CYB5A: variants seen among roughly 807,000 people sequenced by gnomAD.
CYB5A encodes cytochrome b5.
A neutral mutation model predicts 16.2 loss-of-function variants in CYB5A; 10 were observed. That is an observed-to-expected ratio of 0.62 (90% CI 0.38 to 1.04). The LOEUF is 1.04. Among genes scored for constraint, CYB5A ranks in the 50% least tolerant of loss-of-function variants. The probability of loss-of-function intolerance (pLI) is 0.01; values close to 1 mark genes in which losing one functional copy is unlikely to be tolerated. For missense variants in CYB5A, 161 were observed against 165.9 expected (o/e 0.97, Z 0.16); for synonymous variants, 62 against 57.0 (o/e 1.09, Z -0.40).
At chr18:74,268,139 C>T (rs1366605722) in intron 1 of CYB5A, among the ~76,000 whole-genome samples, 2 of 152,218 alleles carry the variant, frequency 1.3e-5, no homozygotes, top group Non-Finnish European at 2.9e-5. Flanking sequence ...GCTCCCGCCT[C>T]GGGGAGTTCA....
chr18:74,273,545 G>A (rs1355890639), intron 1 of CYB5A, among the ~76,000 whole-genome samples: 3 of 152,198 alleles, frequency 2.0e-5, no homozygotes, highest in African/African-American at 7.2e-5. Context: ...ACTGCTGAGT[G>A]ACCTGCTGTG....
chr18:74,260,351 G>A (rs1788625), intron 3 of CYB5A: 12,510 of 180,474 alleles, frequency 0.069, 1,143 homozygotes, highest in African/African-American at 0.22. Flanking sequence ...TAAGTGAGAT[G>A]GTCAGTTCAG....
rs1408776637 is a variant in CYB5A, at chr18:74,263,606, G to A, written c.130-129C>T. On this transcript the variant is annotated intron_variant, in intron 1 of 4. Transcript: ENST00000340533. ...ACAGATGACAACAGGAGACTAACTT[G>A]TCCATAAATGTGGATTAAAACAACA... The A allele has an allele frequency of 1.0e-5, 8 of 798,414 alleles. 1 individual carries two copies. Among genetic ancestry groups the A allele is most frequent in the Non-Finnish European group, 1.3e-5 (6 of 462,658 alleles). 49.5% of individuals were successfully genotyped at this position (798,414 alleles called of 1,614,324 possible).
In CYB5A at chr18:74,253,392, C is replaced by A; in HGVS notation, c.*192G>T. The A allele has an allele frequency of 1.9e-6, 1 of 514,580 alleles. No individual in the cohort carries two copies. 31.9% of individuals were successfully genotyped at this position (514,580 alleles called of 1,614,324 possible). A position where few individuals can be genotyped will look rare whatever the true frequency, so the allele number is the denominator to read the frequency against. On this transcript the variant is annotated 3_prime_UTR_variant, in exon 5 of 5. Coordinates refer to ENST00000340533, the MANE Select transcript of CYB5A (RefSeq NM_148923.4). ...AAAATAAAGTAGATGAATAAAAAGG[C>A]ACACTCGAAAAATTTGAGCGCAGAA...
intron 1 of CYB5A, among the ~76,000 whole-genome samples, chr18:74,278,102 G>A (rs957544285): frequency 6.6e-6 from 1 of 152,164 alleles, no homozygotes; most frequent in African/African-American, 2.4e-5. Flanking sequence ...CCCTTCTAAA[G>A]CTCATAAGCC....
intron 1 of CYB5A, among the ~76,000 whole-genome samples, chr18:74,270,457 T>G (rs1982627317): frequency 6.6e-6 from 1 of 152,140 alleles, no homozygotes; most frequent in Admixed American, 6.5e-5. Flanking sequence ...AGGCTGCCTG[T>G]GTCCCCACAC....
intron 1 of CYB5A, among the ~76,000 whole-genome samples, chr18:74,275,822 T>C (rs1982850040): frequency 1.3e-5 from 2 of 151,998 alleles, no homozygotes; most frequent in African/African-American, 4.8e-5. Flanking sequence ...TGTGGATCAA[T>C]AGAGCAGATA....
At chr18:74,264,210 C>CA (rs59600245) in intron 1 of CYB5A, among the ~76,000 whole-genome samples, 4,369 of 143,972 alleles carry the variant, frequency 0.03, 149 homozygotes, top group African/African-American at 0.093. Flanking sequence ...GACTCTGTCT[C>CA]AAAAAAAAAA....
intron 1 of CYB5A, among the ~76,000 whole-genome samples, chr18:74,290,442 G>A (rs911863230): frequency 2.0e-5 from 3 of 151,626 alleles, no homozygotes; most frequent in Admixed American, 1.3e-4. Flanking sequence ...ATGGGGTTTC[G>A]CCATGTTGGT....
At chr18:74,279,861 T>C (rs1173851900) in intron 1 of CYB5A, among the ~76,000 whole-genome samples, 2 of 152,262 alleles carry the variant, frequency 1.3e-5, no homozygotes, top group Admixed American at 6.5e-5. Context: ...TAAATAACTA[T>C]TTAGTCCTTT....
At chr18:74,281,040 G>A (rs1788640) in intron 1 of CYB5A, among the ~76,000 whole-genome samples, 36,042 of 152,098 alleles carry the variant, frequency 0.24, 4,834 homozygotes, top group South Asian at 0.33. Flanking sequence ...AACCAGGGGA[G>A]CAGCAGTAGA....
intron 1 of CYB5A, among the ~76,000 whole-genome samples, chr18:74,290,285 C>T (rs1011903761): frequency 4.6e-5 from 7 of 152,056 alleles, no homozygotes; most frequent in Non-Finnish European, 5.9e-5. Flanking sequence ...CACTCTGTCC[C>T]CCAGGCTGGA....
intron 4 of CYB5A, 46 bp from the exon 5 acceptor site, chr18:74,253,711 G>A: frequency 2.3e-6 from 3 of 1,310,728 alleles, no homozygotes; most frequent in Non-Finnish European, 3.3e-6. Context: ...TGTGCACTGT[G>A]GTGGACTCAA....
At chr18:74,287,222 G>A (rs1232936555) in intron 1 of CYB5A, among the ~76,000 whole-genome samples, 2 of 152,016 alleles carry the variant, frequency 1.3e-5, no homozygotes, top group African/African-American at 4.8e-5. Context: ...ATGCATCAAA[G>A]GCATATTTGC....
intron 2 of CYB5A, among the ~76,000 whole-genome samples, chr18:74,262,612 T>C (rs970691854): frequency 6.6e-6 from 1 of 152,192 alleles, no homozygotes; most frequent in Non-Finnish European, 1.5e-5. Flanking sequence ...GCTTATTCAT[T>C]TCACATAGCT....
intron 1 of CYB5A, among the ~76,000 whole-genome samples, chr18:74,284,341 A>G (rs1479683571): frequency 6.6e-6 from 1 of 152,150 alleles, no homozygotes; most frequent in Non-Finnish European, 1.5e-5. Context: ...GTCCATAAAC[A>G]TTCAGCCAAC....
intron 1 of CYB5A, among the ~76,000 whole-genome samples, chr18:74,286,794 A>C (rs1306394490): frequency 6.6e-6 from 1 of 152,246 alleles, no homozygotes. Flanking sequence ...CACATTCAGT[A>C]AAATTGTGCA....
In CYB5A at chr18:74,252,528, C is replaced by T. The variant is rs1420342556; in HGVS notation, c.*1056G>A. On this transcript the variant is annotated 3_prime_UTR_variant, in exon 5 of 5. Coordinates refer to ENST00000340533, the MANE Select transcript of CYB5A (RefSeq NM_148923.4). The stretch of plus-strand genomic sequence containing the variant: ...AAGAGTTTACAAACAATTCTACTCT[C>T]TGAATGAGGAATTCTTAAAACTTTA... 6.6e-6 allele frequency: 1 copy of T among 152,200 alleles called. No homozygotes were observed. Among genetic ancestry groups the T allele is most frequent in the Admixed American group, 6.5e-5 (1 of 15,280 alleles). 9.4% of individuals were successfully genotyped at this position (152,200 alleles called of 1,614,324 possible).
At chr18:74,258,635 T>G (rs1982080984) in intron 3 of CYB5A, 5 of 152,180 alleles carry the variant, frequency 3.3e-5, no homozygotes, top group Non-Finnish European at 7.3e-5. Flanking sequence ...ACTCTTTACT[T>G]CCACTAAACC....
Sources: gnomAD v4.1 joint callset for allele counts (sites outside exome capture counted in the v4.1 genomes callset) on GRCh38, gnomAD v4.1.1 for gene constraint, MANE v1.5 for transcripts, NCBI Gene and HGNC (gene_info 2026-07-23, HGNC 2026-07-21) for gene names.